The following SLC4A10 variants were observed in gnomAD, a reference collection of about 807,000 sequenced individuals.
The protein encoded by SLC4A10 is solute carrier family 4 member 10, also known as sodium-driven chloride bicarbonate exchanger.
SLC4A10 carries 42 observed loss-of-function variants against 137.7 expected under a neutral mutation model. The ratio of observed to expected loss-of-function variants is 0.30; its 90% confidence interval spans 0.24 to 0.39. The LOEUF (loss-of-function observed/expected upper bound fraction) is 0.39, where lower values mean the gene tolerates loss of function less well. Ranked by LOEUF, SLC4A10 falls within the 10% of genes least tolerant of loss-of-function variation. The pLI is 1.00. For missense variants in SLC4A10, 925 were observed against 1,355.0 expected, an observed-to-expected ratio of 0.68 and a Z score of 4.98; for synonymous variants, 474 against 464.1, an observed-to-expected ratio of 1.02 and a Z score of -0.27.
intron 1 of SLC4A10, among the ~76,000 whole-genome samples, chr2:161,675,692 G>A (rs1437635628): frequency 2.0e-5 from 3 of 151,342 alleles, no homozygotes; most frequent in African/African-American, 7.3e-5. Flanking sequence ...ATAATTCCAT[G>A]GACCTTTTTT....
At chr2:161,690,870 G>A (rs2041913557) in intron 1 of SLC4A10, among the ~76,000 whole-genome samples, 1 of 152,216 alleles carries the variant, frequency 6.6e-6, no homozygotes, top group South Asian at 2.1e-4. Context: ...GTTGATAGGT[G>A]CAGCAAACCA....
intron 1 of SLC4A10, among the ~76,000 whole-genome samples, chr2:161,630,221 G>A (rs1195945789): frequency 6.6e-6 from 1 of 151,664 alleles, no homozygotes; most frequent in Non-Finnish European, 1.5e-5. Context: ...ATACGTTGTC[G>A]GATTGATTCA....
intron 21 of SLC4A10, among the ~76,000 whole-genome samples, chr2:161,963,527 A>G (rs538305646): frequency 6.6e-6 from 1 of 152,320 alleles, no homozygotes; most frequent in Non-Finnish European, 1.5e-5. Context: ...GTTTGTGTCC[A>G]TAAAGACAGC....
chr2:161,734,129 A>C (rs2047087528), intron 1 of SLC4A10, among the ~76,000 whole-genome samples: 1 of 152,172 alleles, frequency 6.6e-6, no homozygotes, highest in African/African-American at 2.4e-5. Flanking sequence ...AAATGAATTA[A>C]GACTTTAGGG....
intron 1 of SLC4A10, among the ~76,000 whole-genome samples, chr2:161,680,205 A>T (rs56274002): frequency 0.075 from 11,404 of 152,120 alleles, 542 homozygotes; most frequent in East Asian, 0.14. Context: ...TTGTTGATTC[A>T]CTTATTCATT....
intron 1 of SLC4A10, among the ~76,000 whole-genome samples, chr2:161,696,846 G>C (rs1223831401): frequency 6.6e-6 from 1 of 152,112 alleles, no homozygotes; most frequent in Non-Finnish European, 1.5e-5. Flanking sequence ...GGATCAAATG[G>C]TATTTCTAGT....
chr2:161,624,563 T>A lies in SLC4A10; in HGVS notation c.45T>A (p.Pro15=), dbSNP rs1423705743. 1.3e-6 allele frequency: 2 copies of A among 1,553,120 alleles called. No individual in the cohort carries two copies. Among genetic ancestry groups the A allele is most frequent in the Non-Finnish European group, 8.7e-7 (1 of 1,147,866 alleles). The change falls in exon 1 of 27, where the codon CCT becomes CCA. Residue 15 remains proline (P), a synonymous_variant. Coordinates refer to ENST00000446997, the MANE Select transcript of SLC4A10 (RefSeq NM_001178015.2). ...DQGAQMEPLL[P]TRNDEEAVVD... ...GAGCCCAAATGGAGCCGCTGCTGCCTACGGTAAGAGACAACCTGCTATCAC... is the reference window on the plus strand; with the variant it reads ...GAGCCCAAATGGAGCCGCTGCTGCCAACGGTAAGAGACAACCTGCTATCAC...
chr2:161,974,906 C>T (rs1161044091), intron 24 of SLC4A10, among the ~76,000 whole-genome samples: 5 of 152,188 alleles, frequency 3.3e-5, no homozygotes, highest in Non-Finnish European at 2.9e-5. Context: ...TCTCTCTCTT[C>T]TCTGTCTCCC....
chr2:161,795,417 C>A (rs1455326341), intron 2 of SLC4A10, among the ~76,000 whole-genome samples: 1 of 152,030 alleles, frequency 6.6e-6, no homozygotes, highest in East Asian at 1.9e-4. Context: ...ATGTAAAAAG[C>A]TGTACATATT....
chr2:161,873,096 T>A (rs149732622), intron 7 of SLC4A10, among the ~76,000 whole-genome samples: 1 of 152,290 alleles, frequency 6.6e-6, no homozygotes, highest in East Asian at 1.9e-4. Flanking sequence ...CAAATCATAA[T>A]ATAAAACTGA....
rs973931772 is a variant in SLC4A10 at position 161,719,880 on chromosome 2, C to T, written c.49-51093C>T. On this transcript the variant is annotated intron_variant, in intron 1 of 26. Coordinates refer to ENST00000446997, the MANE Select transcript of SLC4A10 (RefSeq NM_001178015.2). ...TCTGATGGTAGTTTCTTTTGCTGTG[C>T]AGAAGCTCTTTAGTTTAATTAGATC... is the stretch of plus-strand genomic sequence containing the variant. 1.6e-3 allele frequency among the ~76,000 whole-genome samples: 250 copies of T among 152,204 alleles called. 2 individuals carry two copies. The highest frequency in any genetic ancestry group is 5.8e-3 in the African/African-American group (241 of 41,544).
intron 5 of SLC4A10, among the ~76,000 whole-genome samples, chr2:161,855,974 G>A (rs79056983): frequency 1.0e-3 from 154 of 152,158 alleles, no homozygotes; most frequent in African/African-American, 3.3e-3. Flanking sequence ...AAAACTATAT[G>A]TGTGTTTTTA....
chr2:161,927,409 T>A (rs1050520377), intron 15 of SLC4A10, among the ~76,000 whole-genome samples: 10 of 152,218 alleles, frequency 6.6e-5, no homozygotes, highest in African/African-American at 2.2e-4. Flanking sequence ...TTCAGCTCCA[T>A]CAGCTCCTTT....
At chr2:161,868,154 AAAG>A (rs770707488) in intron 6 of SLC4A10, among the ~76,000 whole-genome samples, 115 of 151,976 alleles carry the variant, frequency 7.6e-4, no homozygotes, top group Non-Finnish European at 1.0e-3. Flanking sequence ...GTGCATACTT[AAAG>A]AAGAAGAGAA....
At chr2:161,804,639 T>C in intron 3 of SLC4A10, 44 bp downstream of exon 3, 1 of 1,504,068 alleles carries the variant, frequency 6.6e-7, no homozygotes, top group Non-Finnish European at 9.0e-7. Context: ...ATTATTGTAA[T>C]ATACTTGCTT....
intron 1 of SLC4A10, among the ~76,000 whole-genome samples, chr2:161,736,168 ATC>A (rs956299243): frequency 4.6e-5 from 7 of 151,800 alleles, no homozygotes; most frequent in Non-Finnish European, 7.4e-5. Context: ...TCTTTTATTT[ATC>A]TGTTTTATTG....
intron 2 of SLC4A10, among the ~76,000 whole-genome samples, chr2:161,800,591 G>C (rs924353500): frequency 1.4e-4 from 22 of 151,966 alleles, no homozygotes; most frequent in African/African-American, 4.8e-4. Flanking sequence ...TAAAGTTTAA[G>C]GAATTGAAAG....
At chr2:161,829,859 G>C (rs958986169) in intron 3 of SLC4A10, among the ~76,000 whole-genome samples, 1 of 152,046 alleles carries the variant, frequency 6.6e-6, no homozygotes, top group African/African-American at 2.4e-5. Context: ...CAGCAGACAA[G>C]AGAGAATAAG....
At chr2:161,941,758 T>A (rs1336363900) in intron 15 of SLC4A10, among the ~76,000 whole-genome samples, 1 of 152,080 alleles carries the variant, frequency 6.6e-6, no homozygotes. Context: ...GTTTAACCCT[T>A]AGGAACGAAA....
Sources: gnomAD v4.1 joint callset for allele counts (sites outside exome capture counted in the v4.1 genomes callset) on GRCh38, gnomAD v4.1.1 for gene constraint, MANE v1.5 for transcripts, NCBI Gene and HGNC (gene_info 2026-07-23, HGNC 2026-07-21) for gene names.